The following RAD54L2 variants were observed in gnomAD, a reference collection of about 807,000 sequenced individuals.
The protein encoded by RAD54L2 is helicase ARIP4.
RAD54L2 carries 27 observed loss-of-function variants against 138.4 expected under a neutral mutation model. The ratio of observed to expected loss-of-function variants is 0.20; its 90% CI spans 0.14 to 0.27. The LOEUF (loss-of-function observed/expected upper bound fraction) is 0.27. Among genes scored for constraint, RAD54L2 ranks in the 10% least tolerant of loss-of-function variants. RAD54L2 has a pLI of 1.00. For missense variants in RAD54L2, 1,396 were observed against 1,890.2 expected (o/e 0.74, Z 4.85); for synonymous variants, 644 against 723.2 (o/e 0.89, Z 1.76).
chr3:51,667,125 C>G lies in RAD54L2; in HGVS notation c.*3705C>G, dbSNP rs565521717. ...GAAGGTCTTCTGGGGGCTTTACATT[C>G]CTTGTTACTAGTGTTCTGGATATTA... On this transcript the variant is annotated 3_prime_UTR_variant, in exon 23 of 23. Coordinates refer to ENST00000684192, the MANE Select transcript of RAD54L2 (RefSeq NM_015106.4). The G allele has an allele frequency of 1.3e-5, 2 of 152,146 alleles. No homozygotes were observed. Among genetic ancestry groups the G allele is most frequent in the Non-Finnish European group, 2.9e-5 (2 of 68,018 alleles). 9.4% of individuals were successfully genotyped at this position (152,146 alleles called of 1,614,324 possible). A position where few individuals can be genotyped will look rare whatever the true frequency, so the allele number is the denominator to read the frequency against.
Position 51,629,449 on chromosome 3 carries a change from A to C in RAD54L2, c.457A>C (p.Thr153Pro). 1 of 1,612,652 alleles carries C rather than the reference A, an allele frequency of 6.2e-7. No individual in the cohort carries two copies. The highest frequency in any genetic ancestry group is 1.1e-5 in the South Asian group (1 of 90,558). ...QRKDYAAPIP[T>P]VPLEFLPEEI... ...GAAAGATTATGCAGCCCCTATTCCT[A>C]CTGTTCCGCTGGAGTTCCTCCCTGG... Residue 153 changes from threonine (T) to proline (P), a missense_variant, in exon 5 of 23, where the codon ACT (threonine) becomes CCT (proline). Physicochemically the swap from Thr to Pro is conservative, Grantham distance 38. This residue lies in a region of RAD54L2 where 256 missense variants were observed against 344.6 expected (regional missense o/e 0.74). Transcript: ENST00000684192.
At chr3:51,596,663 C>T (rs569222117) in intron 3 of RAD54L2, among the ~76,000 whole-genome samples, 16 of 152,118 alleles carry the variant, frequency 1.1e-4, no homozygotes, top group Admixed American at 9.2e-4. Context: ...TACCCTTTTT[C>T]GTATGTGAAT....
chr3:51,663,191 C>T lies in RAD54L2; in HGVS notation c.4175C>T (p.Ser1392Phe), dbSNP rs754306439. Residue 1392 changes from serine to phenylalanine, a missense_variant, in exon 23 of 23, where the codon TCC (serine) becomes TTC (phenylalanine). By Grantham distance (155) the Ser-to-Phe change is radical (BLOSUM62 -2). Around this residue, in one of 7 missense-constraint regions of RAD54L2, gnomAD observed 634 missense variants for 711.2 expected, o/e 0.89. Transcript: ENST00000684192. ...YSLPFSQPLL[S>F]EPRMFAPFPS... ...CTCCCATTCTCACAGCCACTCCTGT[C>T]CGAGCCGAGGATGTTTGCGCCTTTT... 1 of 1,614,006 alleles carries T rather than the reference C, an allele frequency of 6.2e-7. No individual in the cohort carries two copies. Among genetic ancestry groups the T allele is most frequent in the Non-Finnish European group, 8.5e-7 (1 of 1,179,884 alleles).
intron 22 of RAD54L2, among the ~76,000 whole-genome samples, chr3:51,661,587 A>C (rs1295543701): frequency 6.6e-6 from 1 of 152,218 alleles, no homozygotes; most frequent in Non-Finnish European, 1.5e-5. Flanking sequence ...AGTTCCCCTC[A>C]GTGGGAGTGG....
At chr3:51,622,611 C>T (rs1237693850) in intron 3 of RAD54L2, among the ~76,000 whole-genome samples, 5 of 152,116 alleles carry the variant, frequency 3.3e-5, no homozygotes, top group South Asian at 4.1e-4. Context: ...CATCCACATG[C>T]GAGACCCACC....
At chr3:51,607,071 T>TTTTTA (rs1275085512) in intron 3 of RAD54L2, among the ~76,000 whole-genome samples, 3 of 148,112 alleles carry the variant, frequency 2.0e-5, no homozygotes, top group African/African-American at 7.3e-5. Context: ...TCTTTTTATT[T>TTTTTA]TTTTTTATTT....
intron 2 of RAD54L2, among the ~76,000 whole-genome samples, chr3:51,585,324 C>A (rs1241666846): frequency 2.0e-5 from 3 of 152,150 alleles, no homozygotes; most frequent in Non-Finnish European, 4.4e-5. Flanking sequence ...AAGGAACAAT[C>A]ATGATGCTAT....
chr3:51,561,266 G>A (rs185322336), intron 2 of RAD54L2, among the ~76,000 whole-genome samples: 2 of 152,268 alleles, frequency 1.3e-5, no homozygotes, highest in African/African-American at 4.8e-5. Flanking sequence ...TTTTTTAGGT[G>A]AGACAGAGTT....
intron 3 of RAD54L2, among the ~76,000 whole-genome samples, chr3:51,604,428 A>T (rs910966726): frequency 1.3e-5 from 2 of 152,094 alleles, no homozygotes; most frequent in Non-Finnish European, 2.9e-5. Flanking sequence ...ACATGTGTGG[A>T]TCTGAACTCT....
chr3:51,588,085 C>T (rs907938521), intron 2 of RAD54L2, among the ~76,000 whole-genome samples: 2 of 144,878 alleles, frequency 1.4e-5, no homozygotes, highest in African/African-American at 5.2e-5. Flanking sequence ...ACTTGGGAGG[C>T]TGAGGCAGGA....
In RAD54L2 at chr3:51,663,502, G is replaced by T; in HGVS notation, c.*82G>T. On this transcript the variant is annotated 3_prime_UTR_variant, in exon 23 of 23. Coordinates refer to ENST00000684192, the MANE Select transcript of RAD54L2 (RefSeq NM_015106.4). ...AAAGGCAGTGATTTAGACCTTTTGA[G>T]AATAGGACACTTGGCAGGAGGGAAA... The T allele has an allele frequency of 7.3e-7, 1 of 1,379,014 alleles. No homozygotes were observed. The highest frequency in any genetic ancestry group is 1.9e-4 in the Middle Eastern group (1 of 5,150). The allele number at this position is 1,379,014 out of a possible 1,614,324, so 85.4% of individuals were successfully genotyped here. A position where few individuals can be genotyped will look rare whatever the true frequency, so the allele number is the denominator to read the frequency against.
intron 2 of RAD54L2, among the ~76,000 whole-genome samples, chr3:51,578,656 G>T (rs1005264681): frequency 6.6e-5 from 10 of 152,212 alleles, no homozygotes; most frequent in Non-Finnish European, 1.2e-4. Context: ...GAGCACTGGT[G>T]AGTGGGTGCA....
chr3:51,598,709 T>C (rs975777019), intron 3 of RAD54L2, among the ~76,000 whole-genome samples: 10 of 152,100 alleles, frequency 6.6e-5, no homozygotes, highest in African/African-American at 2.4e-4. Flanking sequence ...TGAGCCAAGA[T>C]TGTACCACTG....
chr3:51,620,966 A>G (rs1700557228), intron 3 of RAD54L2, among the ~76,000 whole-genome samples: 1 of 152,036 alleles, frequency 6.6e-6, no homozygotes, highest in Non-Finnish European at 1.5e-5. Flanking sequence ...TTTGGAAGTT[A>G]CATTATTTTG....
Position 51,632,058 on chromosome 3 carries a change from CAT to C in RAD54L2, c.825+1128_825+1129del, listed in dbSNP as rs1700858883. Among the ~76,000 whole-genome samples, 3 of 152,310 alleles carry C rather than the reference CAT, an allele frequency of 2.0e-5. No homozygotes were observed. In the South Asian group the frequency reaches 6.2e-4, roughly 32 times the overall value. On this transcript the variant is annotated intron_variant, in intron 7 of 22. Coordinates refer to ENST00000684192, the MANE Select transcript of RAD54L2 (RefSeq NM_015106.4). ...GAGATCAACTTTTTTAGTTCTCCCACATGAGTGAGAATGTGTGATATTTGTCT... is the reference window on the plus strand; with the variant it reads ...GAGATCAACTTTTTTAGTTCTCCCACGAGTGAGAATGTGTGATATTTGTCT...
intron 20 of RAD54L2, among the ~76,000 whole-genome samples, chr3:51,656,570 C>A (rs555102163): frequency 6.6e-6 from 1 of 152,064 alleles, no homozygotes; most frequent in Admixed American, 6.6e-5. Flanking sequence ...TTGTCACTTG[C>A]GTCTACCTTT....
At chr3:51,572,744 T>G (rs562884476) in intron 2 of RAD54L2, among the ~76,000 whole-genome samples, 4 of 150,434 alleles carry the variant, frequency 2.7e-5, no homozygotes, top group African/African-American at 7.3e-5. Flanking sequence ...GTTCAAGCAA[T>G]TCTCCTGCCT....
At chr3:51,641,700 T>C in intron 14 of RAD54L2, 49 bp from the exon 15 acceptor site, 1 of 1,269,736 alleles carries the variant, frequency 7.9e-7, no homozygotes, top group South Asian at 1.3e-5. Flanking sequence ...TTGGGAACAA[T>C]GTTCCCTCAA....
intron 2 of RAD54L2, among the ~76,000 whole-genome samples, chr3:51,559,644 G>A (rs964396531): frequency 2.0e-5 from 3 of 152,148 alleles, no homozygotes; most frequent in Admixed American, 1.3e-4. Flanking sequence ...TGGGCTTGGC[G>A]CCAAATTTTT....
Sources: gnomAD v4.1 joint callset for allele counts (sites outside exome capture counted in the v4.1 genomes callset) on GRCh38, gnomAD v4.1.1 for gene constraint, gnomAD v4.1.1 regional missense constraint, MANE v1.5 for transcripts, NCBI Gene and HGNC (gene_info 2026-07-23, HGNC 2026-07-21) for gene names.